Variants in ITGAM observed in about 807,000 individuals in gnomAD.
ITGAM encodes integrin alpha-M.
A neutral mutation model predicts 137.5 loss-of-function variants in ITGAM; 79 were observed. That is an observed-to-expected ratio of 0.57 (90% confidence interval 0.48 to 0.69). ITGAM has a LOEUF of 0.69. ITGAM is among the 30% of genes least tolerant of loss of function. The probability of loss-of-function intolerance (pLI) is 0.00; values close to 1 mark genes in which losing one functional copy is unlikely to be tolerated. For synonymous variants in ITGAM, 583 were observed against 592.3 expected (o/e 0.98, Z 0.23); for missense variants, 1,343 against 1,483.5 (o/e 0.91, Z 1.56).
chr16:31,327,620 A>AAT (rs1349666256), intron 22 of ITGAM, among the ~76,000 whole-genome samples: 1 of 137,978 alleles, frequency 7.2e-6, no homozygotes, highest in African/African-American at 3.5e-5. Context: ...TAATAATAAT[A>AAT]AAAAATAAAA....
At chr16:31,279,295 T>A (rs961585073) in intron 12 of ITGAM, among the ~76,000 whole-genome samples, 8 of 152,212 alleles carry the variant, frequency 5.3e-5, no homozygotes, top group Non-Finnish European at 8.8e-5. Flanking sequence ...TAGTTCTAGA[T>A]CCTTGAGGAA....
chr16:31,331,126 C>A, intron 28 of ITGAM, 39 bp from the exon 29 acceptor site: 1 of 1,082,690 alleles, frequency 9.2e-7, no homozygotes, highest in African/African-American at 1.5e-5. Flanking sequence ...CCCAGAAATC[C>A]AGAGTCGTCT....
chr16:31,324,788 T>G lies in ITGAM; in HGVS notation c.2289+6T>G. ...AGAGACTCTTCACAGCCTTGGTGAG[T>G]CCAGAGTTGGGGTCCTGCAGGGGTG... On this transcript the variant is annotated splice_donor_region_variant and intron_variant, in intron 18 of 29. Coordinates refer to ENST00000544665, the MANE Select transcript of ITGAM (RefSeq NM_000632.4). This position sits in a 1 kb window ranked among gnomAD's most constrained non-coding sequence, Gnocchi z 4.5. The G allele has an allele frequency of 6.4e-7, 1 of 1,552,032 alleles. No individual in the cohort carries two copies. The highest frequency in any genetic ancestry group is 8.7e-7 in the Non-Finnish European group (1 of 1,152,112).
chr16:31,323,484 T>A (rs2080472011), intron 16 of ITGAM, among the ~76,000 whole-genome samples: 1 of 148,686 alleles, frequency 6.7e-6, no homozygotes, highest in South Asian at 2.1e-4. Flanking sequence ...CTTTACAAAA[T>A]CAAAGCAGGA....
In ITGAM at chr16:31,324,941, T is replaced by G. The variant is rs777186410; in HGVS notation, c.2290-17T>G. The stretch of plus-strand genomic sequence containing the variant: ...TATTTTCTTTCCTTTCATTTGATCA[T>G]ATTTATTTTTTAAAAGTTTCCCTTT... On this transcript the variant is annotated splice_polypyrimidine_tract_variant and intron_variant, in intron 18 of 29. Coordinates refer to ENST00000544665, the MANE Select transcript of ITGAM (RefSeq NM_000632.4). The surrounding 1 kb of genome is among the most constrained non-coding windows in gnomAD (Gnocchi z 4.5). The G allele has an allele frequency of 3.1e-6, 5 of 1,598,570 alleles. No individual in the cohort carries two copies. The African/African-American group carries it at 6.7e-5, about 22-fold the overall frequency.
rs189030741 is a variant in ITGAM at position 31,260,186 on chromosome 16, C to G, written c.28+94C>G. The G allele has an allele frequency of 5.5e-6, 5 of 902,060 alleles. No individual in the cohort carries two copies. The East Asian group carries it at 1.3e-4, about 24-fold the overall frequency. The allele number at this position is 902,060 out of a possible 1,614,324, so 55.9% of individuals were successfully genotyped here. A position where few individuals can be genotyped will look rare whatever the true frequency, so the allele number is the denominator to read the frequency against. On this transcript the variant is annotated intron_variant, in intron 1 of 29. Coordinates refer to ENST00000544665, the MANE Select transcript of ITGAM (RefSeq NM_000632.4). ...GGGCCCAGAATATGTAGGAGTCAGT[C>G]TGGGGAGAGGCAAAGGGGATTTGGG...
rs376855641 is a variant in ITGAM at position 31,297,586 on chromosome 16, A to G, written c.1429A>G (p.Ile477Val). ...CAACGGCAGCACCGACCTGGTCCTC[A>G]TCGGGGCCCCCCATTACTACGAGCA... ...DSNGSTDLVL[I>V]GAPHYYEQTR... Residue 477 changes from isoleucine (I) to valine (V), a missense_variant, in exon 13 of 30, where the codon ATC becomes GTC. Transcript: ENST00000544665. 69 of 1,612,520 alleles carry G rather than the reference A, an allele frequency of 4.3e-5. No individual in the cohort carries two copies. Among genetic ancestry groups the G allele is most frequent in the East Asian group, 2.0e-4 (9 of 44,886 alleles).
chr16:31,302,918 C>CTCTTTCTTTCTTT (rs2080224085), intron 14 of ITGAM, among the ~76,000 whole-genome samples: 1 of 72,944 alleles, frequency 1.4e-5, no homozygotes, highest in African/African-American at 5.8e-5. Flanking sequence ...CTTTCCCTCC[C>CTCTTTCTTTCTTT]TCTTTCTTTC....
In ITGAM at chr16:31,331,201, C is replaced by T; in HGVS notation, c.3313C>T (p.Pro1105Ser). Residue 1105 changes from proline to serine, a missense_variant, in exon 29 of 30, where the codon CCC becomes TCC. Coordinates refer to ENST00000544665, the MANE Select transcript of ITGAM (RefSeq NM_000632.4). ...TKVEPFEVPN[P>S]LPLIVGSSVG... Reference sequence around the variant, plus strand: ...AGTGGAGCCGTTCGAGGTCCCCAACCCCCTGCCGCTCATCGTGGGCAGCTC... The same window carrying T: ...AGTGGAGCCGTTCGAGGTCCCCAACTCCCTGCCGCTCATCGTGGGCAGCTC... 1.2e-6 allele frequency: 2 copies of T among 1,613,346 alleles called. No individual in the cohort carries two copies. Among genetic ancestry groups the T allele is most frequent in the Non-Finnish European group, 1.7e-6 (2 of 1,179,542 alleles).
chr16:31,326,608 G>C (rs918238383), intron 21 of ITGAM, among the ~76,000 whole-genome samples: 1 of 152,068 alleles, frequency 6.6e-6, no homozygotes, highest in Non-Finnish European at 1.5e-5. Flanking sequence ...GTAGATACAG[G>C]GTTTTGCCAT....
At chr16:31,279,239 T>C (rs952517359) in intron 12 of ITGAM, among the ~76,000 whole-genome samples, 2 of 152,202 alleles carry the variant, frequency 1.3e-5, no homozygotes, top group Non-Finnish European at 2.9e-5. Context: ...TTATAATTCT[T>C]TGGGTATATA....
At chr16:31,321,122 AGAGATGAGACTT>A in intron 14 of ITGAM, 107 bp from the exon 15 acceptor site, 1 of 1,128,926 alleles carries the variant, frequency 8.9e-7, no homozygotes. Flanking sequence ...GTTAGTTGCA[AGAGATGAGACTT>A]GAGTAGAGCT....
chr16:31,270,362 A>C (rs551024012), intron 5 of ITGAM, among the ~76,000 whole-genome samples: 1 of 151,788 alleles, frequency 6.6e-6, no homozygotes, highest in Non-Finnish European at 1.5e-5. Context: ...TCAGCCTCCC[A>C]AAGTGCTGGG....
At position 31,297,757 on chromosome 16, in the gene ITGAM, C is replaced by A. The variant is rs2080151483; in HGVS notation, c.1510C>A (p.Gln504Lys). The change falls in exon 14 of 30, where the codon CAG becomes AAG. Residue 504 changes from glutamine to lysine, a missense_variant. Gln to Lys is a moderately conservative substitution (Grantham distance 53). Coordinates refer to ENST00000544665, the MANE Select transcript of ITGAM (RefSeq NM_000632.4). Reference protein sequence around the residue: ...CPLPRGRARWQCDAVLYGEQG... With the variant: ...CPLPRGRARWKCDAVLYGEQG... The stretch of plus-strand genomic sequence containing the variant: ...TTGTGTTTAGCAGAGGGCTCGGTGG[C>A]AGTGTGATGCTGTTCTCTACGGGGA... 1.3e-6 allele frequency: 2 copies of A among 1,595,096 alleles called. No individual in the cohort carries two copies. The highest frequency in any genetic ancestry group is 8.5e-7 in the Non-Finnish European group (1 of 1,172,552).
chr16:31,328,397 A>G (rs542582298), intron 23 of ITGAM, among the ~76,000 whole-genome samples, 167 bp downstream of exon 23: 1 of 141,022 alleles, frequency 7.1e-6, no homozygotes, highest in East Asian at 2.2e-4. Flanking sequence ...TGTGAGTGTG[A>G]TGATCTATGT....
intron 12 of ITGAM, among the ~76,000 whole-genome samples, chr16:31,282,910 C>G (rs563836322): frequency 1.3e-5 from 2 of 152,248 alleles, no homozygotes; most frequent in African/African-American, 2.4e-5. Flanking sequence ...TTAGGGCAGG[C>G]CTGGTGGTGA....
rs1000524164 is a variant in ITGAM, at chr16:31,325,303, G to A, written c.2404G>A (p.Val802Met). Residue 802 changes from valine to methionine, a missense_variant, in exon 20 of 30, where the codon GTG becomes ATG. By Grantham distance (21) the Val-to-Met change is conservative. Transcript: ENST00000544665. ...GGTGGGTGGGCCCCGGGAGTTCAAC[G>A]TGACAGTGACTGTGAGAAATGATGG... ...LVVGGPREFN[V>M]TVTVRNDGED... 4 of 1,613,854 alleles carry A rather than the reference G, an allele frequency of 2.5e-6. No individual in the cohort carries two copies. The highest frequency in any genetic ancestry group is 2.2e-5 in the East Asian group (1 of 44,882).
chr16:31,312,367 A>G (rs1444953641), intron 14 of ITGAM, among the ~76,000 whole-genome samples: 2 of 152,202 alleles, frequency 1.3e-5, no homozygotes. Context: ...GTAACATTAC[A>G]TGTAATTTTT....
chr16:31,271,321 C>T (rs770625814), intron 6 of ITGAM, among the ~76,000 whole-genome samples: 16 of 152,196 alleles, frequency 1.1e-4, no homozygotes, highest in East Asian at 3.9e-4. Flanking sequence ...ATGAAGCCCA[C>T]GTGTCATTGC....
Sources: gnomAD v4.1 joint callset for allele counts (sites outside exome capture counted in the v4.1 genomes callset) on GRCh38, gnomAD v4.1.1 for gene constraint, Gnocchi (gnomAD v3.1) non-coding constraint, MANE v1.5 for transcripts, NCBI Gene and HGNC (gene_info 2026-07-23, HGNC 2026-07-21) for gene names.